CDC45: variants seen among roughly 807,000 people sequenced by gnomAD.
CDC45 encodes cell division cycle 45.
Under a neutral mutation model 77.8 loss-of-function variants are expected in CDC45, and 54 were observed. That is an observed-to-expected ratio of 0.69 (90% confidence interval 0.56 to 0.87). The LOEUF is 0.87. CDC45 is among the 40% of genes least tolerant of loss of function. The pLI, the probability that CDC45 is intolerant of heterozygous loss-of-function variation, is 0.00. For missense variants in CDC45, 649 were observed against 721.6 expected (o/e 0.90, Z 1.15); for synonymous variants, 260 against 272.1 (o/e 0.96, Z 0.44).
chr22:19,507,544 T>C (rs2146414219), intron 11 of CDC45, 27 bp downstream of exon 11: 1 of 1,612,914 alleles, frequency 6.2e-7, no homozygotes, highest in South Asian at 1.1e-5. Context: ...GCCTCTGCAG[T>C]GCCAGCCCTG....
At chr22:19,491,933 A>T (rs1416393217) in intron 5 of CDC45, among the ~76,000 whole-genome samples, 4 of 151,724 alleles carry the variant, frequency 2.6e-5, no homozygotes, top group Non-Finnish European at 5.9e-5. Flanking sequence ...CCTCCTGAGT[A>T]GTTGGGATTA....
chr22:19,487,868 A>G (rs9618581), intron 5 of CDC45, among the ~76,000 whole-genome samples: 5,239 of 135,344 alleles, frequency 0.039, 335 homozygotes, highest in African/African-American at 0.13. Context: ...GCTGAGATCC[A>G]CCACTGCACT....
intron 13 of CDC45, among the ~76,000 whole-genome samples, chr22:19,510,417 A>G (rs1326033065): frequency 2.0e-5 from 3 of 152,156 alleles, no homozygotes; most frequent in Non-Finnish European, 4.4e-5. Context: ...TGTTCTGAGC[A>G]TTTCATACAA....
intron 5 of CDC45, among the ~76,000 whole-genome samples, chr22:19,487,088 G>GT (rs1000318353): frequency 1.3e-5 from 2 of 152,024 alleles, no homozygotes; most frequent in African/African-American, 4.8e-5. Flanking sequence ...GAGGTCAGGA[G>GT]TTTGAGACCA....
At chr22:19,490,219 A>G (rs1394756074) in intron 5 of CDC45, among the ~76,000 whole-genome samples, 1 of 152,196 alleles carries the variant, frequency 6.6e-6, no homozygotes, top group African/African-American at 2.4e-5. Context: ...TTTTTAAATC[A>G]TGTTTTTTAA....
chr22:19,501,787 TCA>T (rs1932910763), intron 9 of CDC45, among the ~76,000 whole-genome samples: 1 of 152,296 alleles, frequency 6.6e-6, no homozygotes, highest in African/African-American at 2.4e-5. Flanking sequence ...TGAACGTAAC[TCA>T]CTGCAGCTTT....
At chr22:19,486,389 C>G (rs1027878151) in intron 5 of CDC45, among the ~76,000 whole-genome samples, 1 of 152,216 alleles carries the variant, frequency 6.6e-6, no homozygotes, top group Non-Finnish European at 1.5e-5. Flanking sequence ...ATTCTCCAAT[C>G]AAGATTAAGA....
In CDC45 at chr22:19,480,111, C is replaced by T. The variant is rs750143896; in HGVS notation, c.52-47C>T. The T allele has an allele frequency of 2.5e-6, 4 of 1,612,254 alleles. No individual in the cohort carries two copies. The African/African-American group carries it at 5.3e-5, about 22-fold the overall frequency. ...TGGGTGACCGGGAGGCAGGGGAGGG[C>T]CGGGGTTCGGGTCGCCGTGTTCAGC... On this transcript the variant is annotated intron_variant, in intron 1 of 18. Coordinates refer to ENST00000263201, the MANE Select transcript of CDC45 (RefSeq NM_003504.5).
At chr22:19,498,552 C>T (rs2090285029) in intron 8 of CDC45, among the ~76,000 whole-genome samples, 1 of 152,214 alleles carries the variant, frequency 6.6e-6, no homozygotes, top group Non-Finnish European at 1.5e-5. Flanking sequence ...AAGATGGGAG[C>T]CTTGAAGGCT....
chr22:19,491,832 C>CT lies in CDC45; in HGVS notation c.487-2483dup, dbSNP rs987000040. ...GCTTCTTGAATCTGCAGGTTTATGT[C>CT]TTTTTTTTTTTTGAGGCAGAGTCTC... On this transcript the variant is annotated intron_variant, in intron 5 of 18. Transcript: ENST00000263201. Among the ~76,000 whole-genome samples, 690 of 145,240 alleles carry CT rather than the reference C, an allele frequency of 4.8e-3. 2 individuals carry two copies. The highest frequency in any genetic ancestry group is 7.2e-3 in the Middle Eastern group (2 of 276).
intron 5 of CDC45, among the ~76,000 whole-genome samples, chr22:19,491,570 A>T (rs1270659071): frequency 6.6e-6 from 1 of 152,040 alleles, no homozygotes; most frequent in Non-Finnish European, 1.5e-5. Flanking sequence ...ATCCTCTGTC[A>T]TTCAGGCTTT....
intron 3 of CDC45, among the ~76,000 whole-genome samples, chr22:19,481,828 C>T (rs1033020697): frequency 6.6e-6 from 1 of 152,094 alleles, no homozygotes; most frequent in African/African-American, 2.4e-5. Flanking sequence ...CCCACCACCA[C>T]GCCTGGCTAA....
intron 17 of CDC45, 38 bp from the exon 18 acceptor site, chr22:19,518,806 C>T (rs1555879649): frequency 5.7e-6 from 9 of 1,568,210 alleles, no homozygotes; most frequent in Admixed American, 1.7e-5. Context: ...TGTTCCCACT[C>T]CTCCCTTCTC....
Position 19,483,866 on chromosome 22 carries a change from A to G in CDC45, c.347A>G (p.Lys116Arg). 1 of 1,612,238 alleles carries G rather than the reference A, an allele frequency of 6.2e-7. No individual in the cohort carries two copies. The highest frequency in any genetic ancestry group is 2.2e-5 in the East Asian group (1 of 44,876). The change falls in exon 5 of 19, where the codon AAA (lysine) becomes AGA (arginine). Residue 116 changes from lysine to arginine, a missense_variant. Lys to Arg is a conservative substitution (Grantham distance 26). Transcript: ENST00000263201. The stretch of plus-strand genomic sequence containing the variant: ...TCCTTTTTGTTTTGAACTTAGATCA[A>G]ATTACTCATTAAACAAGATGATGAC... ...VVNVYNDTQI[K>R]LLIKQDDDLE...
chr22:19,484,870 A>G (rs73877072), intron 5 of CDC45, among the ~76,000 whole-genome samples: 6 of 151,688 alleles, frequency 4.0e-5, no homozygotes, highest in Non-Finnish European at 7.4e-5. Flanking sequence ...TCTTGGACCC[A>G]CTGTTATATT....
At chr22:19,501,188 ACAAAC>A (rs1932890266) in intron 9 of CDC45, among the ~76,000 whole-genome samples, 1 of 151,982 alleles carries the variant, frequency 6.6e-6, no homozygotes, top group Non-Finnish European at 1.5e-5. Flanking sequence ...TCAAAAAAAA[ACAAAC>A]CAAAACAAAC....
intron 7 of CDC45, among the ~76,000 whole-genome samples, chr22:19,497,103 G>C (rs534799267): frequency 6.6e-6 from 1 of 152,156 alleles, no homozygotes; most frequent in South Asian, 2.1e-4. Context: ...TGCTGCACCC[G>C]GGCTGCCCCT....
intron 13 of CDC45, among the ~76,000 whole-genome samples, chr22:19,510,273 A>G (rs1416529488): frequency 6.6e-6 from 1 of 152,076 alleles, no homozygotes; most frequent in Non-Finnish European, 1.5e-5. Flanking sequence ...AATGACTTTT[A>G]GTAGGTTGCA....
chr22:19,514,597 C>T, intron 13 of CDC45, 152 bp from the exon 14 acceptor site: 1 of 636,634 alleles, frequency 1.6e-6, no homozygotes, highest in Non-Finnish European at 2.7e-6. Context: ...TCTTTCCTTT[C>T]ATGTGAAAGA....
Sources: gnomAD v4.1 joint callset for allele counts (sites outside exome capture counted in the v4.1 genomes callset) on GRCh38, gnomAD v4.1.1 for gene constraint, MANE v1.5 for transcripts, NCBI Gene and HGNC (gene_info 2026-07-23, HGNC 2026-07-21) for gene names.